Variants in COL1A2 observed in about 807,000 individuals in gnomAD.
COL1A2 encodes the protein collagen alpha-2(I) chain.
Under a neutral mutation model 174.3 loss-of-function variants are expected in COL1A2, and 49 were observed. The ratio of observed to expected loss-of-function variants is 0.28; its 90% CI spans 0.22 to 0.36. The LOEUF is 0.36. Ranked by LOEUF, COL1A2 falls within the 10% of genes least tolerant of loss-of-function variation. The pLI is 1.00. For missense variants in COL1A2, 1,438 were observed against 1,822.7 expected, an observed-to-expected ratio of 0.79 and a Z score of 3.84; for synonymous variants, 655 against 606.6, an observed-to-expected ratio of 1.08 and a Z score of -1.17.
chr7:94,425,880 C>A, intron 44 of COL1A2, 23 bp downstream of exon 44: 1 of 1,606,430 alleles, frequency 6.2e-7, no homozygotes, highest in Non-Finnish European at 8.5e-7. Context: ...ATACCAGTCC[C>A]TCAGTGCAGC....
intron 31 of COL1A2, 49 bp from the exon 32 acceptor site, chr7:94,417,675 A>G (rs1792070125): frequency 1.4e-6 from 2 of 1,468,816 alleles, no homozygotes; most frequent in Middle Eastern, 1.7e-4. Flanking sequence ...TTGATTCTTC[A>G]TTTTCTTCTT....
chr7:94,397,671 T>C, intron 1 of COL1A2, 77 bp from the exon 2 acceptor site: 1 of 820,080 alleles, frequency 1.2e-6, no homozygotes, highest in South Asian at 1.5e-5. Flanking sequence ...CTTGTTTCTC[T>C]ATTTGTTAAT....
At position 94,410,268 on chromosome 7, in the gene COL1A2, A is replaced by G; in HGVS notation, c.1062A>G (p.Lys354=). The G allele has an allele frequency of 6.2e-7, 1 of 1,613,982 alleles. No individual in the cohort carries two copies. The highest frequency in any genetic ancestry group is 8.5e-7 in the Non-Finnish European group (1 of 1,180,044). ...GTGAGCCTGGTCCAGCTGGCTCCAA[A>G]GGAGAGAGCGGTAACAAGGGTGAGC... ...LVGEPGPAGS[K]GESGNKGEPG... The change falls in exon 20 of 52, where the codon AAA becomes AAG. Residue 354 remains lysine (K), a synonymous_variant. Transcript: ENST00000297268.
At position 94,424,471 on chromosome 7, in the gene COL1A2, A is replaced by C. The variant is rs575692625; in HGVS notation, c.2673+28A>C. The C allele has an allele frequency of 1.2e-5, 19 of 1,590,576 alleles. No individual in the cohort carries two copies. In the African/African-American group the frequency reaches 1.9e-4, roughly 16 times the overall value. On this transcript the variant is annotated intron_variant, in intron 41 of 51. Transcript: ENST00000297268. ...GAGTGCTTGACAGTATTCTGACTCC[A>C]TTAACATAAGAAAAGATTTTAAAAG...
intron 9 of COL1A2, 78 bp downstream of exon 9, chr7:94,404,970 A>C: frequency 1.3e-6 from 2 of 1,531,882 alleles, no homozygotes; most frequent in Non-Finnish European, 1.8e-6. Context: ...GATTCAAATT[A>C]AGTATTCTGC....
rs1792040152 is a variant in COL1A2 at position 94,416,267 on chromosome 7, T to A, written c.1765-138T>A. On this transcript the variant is annotated intron_variant, in intron 30 of 51. Coordinates refer to ENST00000297268, the MANE Select transcript of COL1A2 (RefSeq NM_000089.4). ...CTCTTCATTTTACTAGTGGAGAGAT[T>A]AGGAACAAAAGAAATTTTAATTTGC... is the stretch of plus-strand genomic sequence containing the variant. The A allele has an allele frequency of 1.0e-5, 7 of 699,456 alleles. No individual in the cohort carries two copies. In the South Asian group the frequency reaches 1.1e-4, roughly 11 times the overall value. The allele number at this position is 699,456 out of a possible 1,614,324, so 43.3% of individuals were successfully genotyped here.
At position 94,409,421 on chromosome 7, in the gene COL1A2, G is replaced by C; in HGVS notation, c.891+1G>C. On this transcript the variant is annotated splice_donor_variant, in intron 17 of 51. Coordinates refer to ENST00000297268, the MANE Select transcript of COL1A2 (RefSeq NM_000089.4). LOFTEE classifies it high-confidence loss of function. ...CCTCTCCGGCCCCGTTGGACCTCCT[G>C]TAAGTAGCCACTGTCTTTAAACTTT... The C allele has an allele frequency of 6.2e-7, 1 of 1,614,132 alleles. No individual in the cohort carries two copies. Among genetic ancestry groups the C allele is most frequent in the Non-Finnish European group, 8.5e-7 (1 of 1,179,972 alleles).
At chr7:94,425,703 TA>T in intron 43 of COL1A2, 40 bp downstream of exon 43, 1 of 1,614,080 alleles carries the variant, frequency 6.2e-7, no homozygotes, top group Non-Finnish European at 8.5e-7. Flanking sequence ...CAAAAGTGAT[TA>T]AAATGCAACC....
At chr7:94,397,501 ATAAT>A (rs1003099578) in intron 1 of COL1A2, among the ~76,000 whole-genome samples, 7 of 152,176 alleles carry the variant, frequency 4.6e-5, no homozygotes, top group South Asian at 2.1e-4. Flanking sequence ...AAAATAGTAA[ATAAT>A]TAATAATTTA....
At chr7:94,430,223 A>G (rs909490719) in intron 51 of COL1A2, 24 bp from the exon 52 acceptor site, 10 of 1,606,354 alleles carry the variant, frequency 6.2e-6, no homozygotes, top group Non-Finnish European at 7.7e-6. Context: ...TGCTTTGTGT[A>G]TCTATTTTCT....
At position 94,411,643 on chromosome 7, in the gene COL1A2, C is replaced by A. The variant is rs147609179; in HGVS notation, c.1351-425C>A. On this transcript the variant is annotated intron_variant, in intron 23 of 51. Coordinates refer to ENST00000297268, the MANE Select transcript of COL1A2 (RefSeq NM_000089.4). Reference sequence around the variant, plus strand: ...CCATAGCAATAGAGTAATTTTTTTGCCTCCATTGCCTCTTATGGGTGAATA... The same window carrying A: ...CCATAGCAATAGAGTAATTTTTTTGACTCCATTGCCTCTTATGGGTGAATA... Among the ~76,000 whole-genome samples the A allele has an allele frequency of 1.2e-3, 184 of 152,210 alleles. 3 individuals carry two copies. In the East Asian group the frequency reaches 0.029, roughly 24 times the overall value.
chr7:94,415,632 G>A (rs1792024554), intron 30 of COL1A2, among the ~76,000 whole-genome samples: 1 of 152,066 alleles, frequency 6.6e-6, no homozygotes, highest in Admixed American at 6.6e-5. Flanking sequence ...GATGTTCAAA[G>A]CCTAAAGCCG....
chr7:94,428,189 C>A, intron 49 of COL1A2, 104 bp from the exon 50 acceptor site: 4 of 1,085,216 alleles, frequency 3.7e-6, no homozygotes, highest in Non-Finnish European at 5.7e-6. Flanking sequence ...GGTAGACAAT[C>A]AAAAATGTTA....
At chr7:94,429,149 C>G (rs1337295137) in intron 50 of COL1A2, 39 bp from the exon 51 acceptor site, 17 of 1,516,210 alleles carry the variant, frequency 1.1e-5, no homozygotes, top group Non-Finnish European at 1.5e-5. Context: ...TATCTGAGTC[C>G]TTCTCCACTT....
intron 5 of COL1A2, 50 bp downstream of exon 5, chr7:94,400,338 A>C: frequency 6.8e-7 from 1 of 1,476,714 alleles, no homozygotes. Context: ...AGTTGAAAGA[A>C]GGTTTATTGT....
Position 94,414,092 on chromosome 7 carries a change from T to G in COL1A2, c.1666-130T>G. The G allele has an allele frequency of 2.3e-6, 3 of 1,302,804 alleles. No individual in the cohort carries two copies. In the South Asian group the frequency reaches 3.6e-5, roughly 16 times the overall value. The allele number at this position is 1,302,804 out of a possible 1,614,324, so 80.7% of individuals were successfully genotyped here. A position where few individuals can be genotyped will look rare whatever the true frequency, so the allele number is the denominator to read the frequency against. ...GGTGCATTTTTTTCAAACAAACTTT[T>G]GTGTAATGCTTAATAACATACAATC... On this transcript the variant is annotated intron_variant, in intron 28 of 51. Transcript: ENST00000297268.
At position 94,414,293 on chromosome 7, in the gene COL1A2, T is replaced by C. The variant is rs772508363; in HGVS notation, c.1719+18T>C. On this transcript the variant is annotated intron_variant, in intron 29 of 51. Coordinates refer to ENST00000297268, the MANE Select transcript of COL1A2 (RefSeq NM_000089.4). ...GAGAAAGGGTGAGTAAAACAAGTAATAGTAAGTAGTAACTACTAAACTTGA... is the reference window on the plus strand; with the variant it reads ...GAGAAAGGGTGAGTAAAACAAGTAACAGTAAGTAGTAACTACTAAACTTGA... 4.3e-6 allele frequency: 7 copies of C among 1,609,974 alleles called. No homozygotes were observed. Among genetic ancestry groups the C allele is most frequent in the Non-Finnish European group, 5.1e-6 (6 of 1,176,374 alleles).
At chr7:94,396,493 G>A (rs1173087827) in intron 1 of COL1A2, among the ~76,000 whole-genome samples, 1 of 152,036 alleles carries the variant, frequency 6.6e-6, no homozygotes, top group Non-Finnish European at 1.5e-5. Flanking sequence ...GGCTCCTAGA[G>A]AATAAAATGA....
At chr7:94,398,519 T>C (rs1255060375) in intron 3 of COL1A2, 123 bp downstream of exon 3, 7 of 376,176 alleles carry the variant, frequency 1.9e-5, no homozygotes, top group East Asian at 6.8e-5. Context: ...TGAATATACA[T>C]TAGCTAAAGC....
Sources: allele counts gnomAD v4.1 joint callset (sites outside exome capture counted in the v4.1 genomes callset), GRCh38; gene constraint gnomAD v4.1.1; transcripts MANE v1.5; gene names NCBI Gene and HGNC (gene_info 2026-07-23, HGNC 2026-07-21).